Variants in MACF1 observed in about 807,000 individuals in gnomAD.
The protein encoded by MACF1 is microtubule actin crosslinking factor 1, also known as microtubule-actin cross-linking factor 1.
MACF1 carries 193 observed loss-of-function variants against 854.8 expected under a neutral mutation model. The observed-to-expected ratio is 0.23, with a 90% CI of 0.20 to 0.25. MACF1 has a LOEUF of 0.25. MACF1 is among the 10% of genes least tolerant of loss of function. The pLI is 1.00. For synonymous variants in MACF1, 3,185 were observed against 3,226.7 expected, an observed-to-expected ratio of 0.99 and a Z score of 0.44; for missense variants, 7,722 against 8,929.1, an observed-to-expected ratio of 0.86 and a Z score of 5.45.
At chr1:39,224,167 T>A (rs1265902576) in intron 1 of MACF1, among the ~76,000 whole-genome samples, 1 of 152,156 alleles carries the variant, frequency 6.6e-6, no homozygotes, top group African/African-American at 2.4e-5. Context: ...ATTGAAAAGC[T>A]ATGGACATCC....
intron 2 of MACF1, among the ~76,000 whole-genome samples, chr1:39,185,880 T>C (rs866964854): frequency 2.0e-5 from 3 of 152,134 alleles, no homozygotes; most frequent in African/African-American, 7.2e-5. Context: ...CCTGAAGTGC[T>C]GAAGGACCCA....
Position 39,442,915 on chromosome 1 carries a change from C to G in MACF1, c.19302+4C>G. 1 of 1,612,398 alleles carries G rather than the reference C, an allele frequency of 6.2e-7. No homozygotes were observed. The highest frequency in any genetic ancestry group is 2.2e-5 in the East Asian group (1 of 44,836). On this transcript the variant is annotated splice_donor_region_variant and intron_variant, in intron 78 of 100. Transcript: ENST00000564288. Reference sequence around the variant, plus strand: ...GCTTCAGTCAACTCTGCAGCAGGTACATGTGACATCCAAGTAAGGTAGGAA... The same window carrying G: ...GCTTCAGTCAACTCTGCAGCAGGTAGATGTGACATCCAAGTAAGGTAGGAA...
At chr1:39,113,975 G>T (rs1642479759) in intron 2 of MACF1, among the ~76,000 whole-genome samples, 1 of 151,900 alleles carries the variant, frequency 6.6e-6, no homozygotes, top group Non-Finnish European at 1.5e-5. Flanking sequence ...GGTGGAGGTT[G>T]TAGAGAGCCC....
At chr1:39,096,273 A>G (rs1026005837) in intron 2 of MACF1, among the ~76,000 whole-genome samples, 4 of 151,772 alleles carry the variant, frequency 2.6e-5, no homozygotes, top group African/African-American at 9.7e-5. Flanking sequence ...GGGCAGAAAG[A>G]TTCTGTTTTC....
Position 39,441,213 on chromosome 1 carries a change from T to C in MACF1, c.18571-11T>C. The stretch of plus-strand genomic sequence containing the variant: ...TTGATTGAAGAATCTGATTGAATGT[T>C]TTTCCCCTAGATGAATAATGCTTGG... On this transcript the variant is annotated splice_polypyrimidine_tract_variant and intron_variant, in intron 73 of 100. Coordinates refer to ENST00000564288, the MANE Select transcript of MACF1 (RefSeq NM_001394062.1). The C allele has an allele frequency of 6.2e-7, 1 of 1,613,968 alleles. No individual in the cohort carries two copies. The highest frequency in any genetic ancestry group is 8.5e-7 in the Non-Finnish European group (1 of 1,179,846).
rs1240852479 is a variant in MACF1, at chr1:39,334,581, A to C, written c.7993A>C (p.Thr2665Pro). The C allele has an allele frequency of 6.2e-7, 1 of 1,614,060 alleles. No individual in the cohort carries two copies. The highest frequency in any genetic ancestry group is 1.3e-5 in the African/African-American group (1 of 74,946). Residue 2665 changes from threonine to proline, a missense_variant, in exon 37 of 101, where the codon ACA (threonine) becomes CCA (proline). Transcript: ENST00000564288. ...AGATGGGGTGAGCGACAAAGTGCTT[A>C]CATTGTCTCAAGCAATTCAGCTTGG... is the stretch of plus-strand genomic sequence containing the variant. ...IKDGVSDKVLTLSQAIQLGKV... is the reference protein window; with the variant it reads ...IKDGVSDKVLPLSQAIQLGKV...
intron 69 of MACF1, among the ~76,000 whole-genome samples, chr1:39,435,214 AT>A (rs1388534398): frequency 2.6e-5 from 4 of 152,218 alleles, no homozygotes; most frequent in Non-Finnish European, 5.9e-5. Context: ...TTATTAAACC[AT>A]GTAGAGTAAA....
At chr1:39,101,813 C>G (rs937374741) in intron 2 of MACF1, among the ~76,000 whole-genome samples, 2 of 137,444 alleles carry the variant, frequency 1.5e-5, no homozygotes, top group African/African-American at 5.5e-5. Context: ...GGTGACAGAG[C>G]GAGACTCCAT....
chr1:39,119,853 G>A (rs1309199328), intron 2 of MACF1, among the ~76,000 whole-genome samples: 1 of 147,846 alleles, frequency 6.8e-6, no homozygotes, highest in Non-Finnish European at 1.5e-5. Flanking sequence ...ATTGTAATGT[G>A]CAGAATATAA....
intron 2 of MACF1, among the ~76,000 whole-genome samples, chr1:39,249,425 A>G (rs1000476826): frequency 6.6e-6 from 1 of 152,208 alleles, no homozygotes; most frequent in Non-Finnish European, 1.5e-5. Flanking sequence ...AACATTTAGT[A>G]CCATGTTTGA....
At chr1:39,421,232 A>G (rs1643525755) in intron 58 of MACF1, among the ~76,000 whole-genome samples, 1 of 152,206 alleles carries the variant, frequency 6.6e-6, no homozygotes, top group Admixed American at 6.6e-5. Flanking sequence ...AGACATGTCT[A>G]AATCGTAATG....
intron 2 of MACF1, among the ~76,000 whole-genome samples, chr1:39,133,486 A>G (rs998935192): frequency 2.0e-5 from 3 of 151,868 alleles, no homozygotes; most frequent in African/African-American, 7.3e-5. Flanking sequence ...TAACTATAAG[A>G]TTTTCTTTTC....
At chr1:39,397,431 G>A (rs527543085) in intron 58 of MACF1, among the ~76,000 whole-genome samples, 15 of 152,072 alleles carry the variant, frequency 9.9e-5, no homozygotes, top group East Asian at 9.7e-4. Context: ...GCGTGGTGGC[G>A]AGCGCCTGTA....
chr1:39,242,314 C>T (rs1644933349), intron 2 of MACF1, among the ~76,000 whole-genome samples: 1 of 150,702 alleles, frequency 6.6e-6, no homozygotes, highest in African/African-American at 2.4e-5. Flanking sequence ...AGCACCACTG[C>T]ACGCCAGCCT....
In MACF1 at chr1:39,132,589, C is replaced by T. The variant is rs1400901514; in HGVS notation, c.220+48151C>T. On this transcript the variant is annotated intron_variant, in intron 2 of 93. Transcript: ENST00000361689. ...GTATTGAAAACGGAGTAGTCATTTC[C>T]TAGAGCATGGCTTGGATCCTGATCA... Among the ~76,000 whole-genome samples the T allele has an allele frequency of 2.0e-5, 3 of 152,110 alleles. No individual in the cohort carries two copies. The East Asian group carries it at 5.8e-4, about 29-fold the overall frequency.
intron 6 of MACF1, among the ~76,000 whole-genome samples, chr1:39,270,177 A>C (rs552150683): frequency 6.6e-6 from 1 of 152,260 alleles, no homozygotes; most frequent in East Asian, 1.9e-4. Flanking sequence ...CTCACAGGAG[A>C]GTGATATTCT....
At chr1:39,206,466 T>G (rs1189371054) in intron 1 of MACF1, 1 of 152,220 alleles carries the variant, frequency 6.6e-6, no homozygotes, top group Admixed American at 6.5e-5. Flanking sequence ...ATTAAATAAC[T>G]AATTAGTTGT....
intron 2 of MACF1, among the ~76,000 whole-genome samples, chr1:39,114,492 C>T (rs1642498014): frequency 6.6e-6 from 1 of 152,028 alleles, no homozygotes; most frequent in African/African-American, 2.4e-5. Context: ...ATTTGGGAGG[C>T]TGAGACAGGA....
Position 39,417,411 on chromosome 1 carries a change from T to TC in MACF1, c.15817-4963_15817-4962insC, listed in dbSNP as rs1341038429. Among the ~76,000 whole-genome samples the TC allele has an allele frequency of 2.0e-5, 3 of 152,198 alleles. No individual in the cohort carries two copies. In the South Asian group the frequency reaches 6.2e-4, roughly 31 times the overall value. On this transcript the variant is annotated intron_variant, in intron 58 of 100. Transcript: ENST00000564288. Reference sequence around the variant, plus strand: ...TTACAATTTGCCAAGGGAGTCTTTTTAAGCAAAAATTGGAGAGCACCACAA... The same window carrying TC: ...TTACAATTTGCCAAGGGAGTCTTTTTCAAGCAAAAATTGGAGAGCACCACAA...
Sources: allele counts gnomAD v4.1 joint callset (sites outside exome capture counted in the v4.1 genomes callset), GRCh38; gene constraint gnomAD v4.1.1; transcripts MANE v1.5; gene names NCBI Gene and HGNC (gene_info 2026-07-23, HGNC 2026-07-21).